UBXN7: variants seen among roughly 807,000 people sequenced by gnomAD.
UBXN7 encodes UBX domain protein 7.
A neutral mutation model predicts 58.0 loss-of-function variants in UBXN7; 9 were observed. The ratio of observed to expected loss-of-function variants is 0.16; its 90% CI spans 0.09 to 0.27. UBXN7 has a LOEUF of 0.27. Ranked by LOEUF, UBXN7 falls within the 10% of genes least tolerant of loss-of-function variation. UBXN7 has a pLI of 1.00. For synonymous variants in UBXN7, 208 were observed against 205.0 expected, an observed-to-expected ratio of 1.01 and a Z score of -0.12; for missense variants, 328 against 599.6, an observed-to-expected ratio of 0.55 and a Z score of 4.73.
At chr3:196,428,287 A>C (rs1419617840) in intron 1 of UBXN7, among the ~76,000 whole-genome samples, 1 of 151,760 alleles carries the variant, frequency 6.6e-6, no homozygotes, top group African/African-American at 2.4e-5. Context: ...TTAAGTGAAA[A>C]TTTCAGAACC....
intron 3 of UBXN7, among the ~76,000 whole-genome samples, chr3:196,399,311 T>C (rs1194666441): frequency 6.6e-6 from 1 of 151,960 alleles, no homozygotes; most frequent in African/African-American, 2.4e-5. Flanking sequence ...ATTAATTTAT[T>C]ATTTTTTTTT....
chr3:196,429,680 A>C (rs116166754), intron 1 of UBXN7, among the ~76,000 whole-genome samples: 1,693 of 152,322 alleles, frequency 0.011, 24 homozygotes, highest in African/African-American at 0.035. Flanking sequence ...AGAGAACCCC[A>C]AAAAAATTTT....
Position 196,348,556 on chromosome 3 carries a change from CA to C in UBXN7, c.*8128del, listed in dbSNP as rs896210620. On this transcript the variant is annotated 3_prime_UTR_variant, in exon 11 of 11. Transcript: ENST00000296328. Reference sequence around the variant, plus strand: ...ACTTTGTCCAGAATAAGTTGAGCCACAAACATCCCAGGGAATCTCTAAATAC... The same window carrying C: ...ACTTTGTCCAGAATAAGTTGAGCCACAACATCCCAGGGAATCTCTAAATAC... 6.6e-6 allele frequency: 1 copy of C among 152,176 alleles called. No homozygotes were observed. 9.4% of individuals were successfully genotyped at this position (152,176 alleles called of 1,614,324 possible). A position where few individuals can be genotyped will look rare whatever the true frequency, so the allele number is the denominator to read the frequency against.
intron 1 of UBXN7, among the ~76,000 whole-genome samples, chr3:196,417,277 A>C (rs912336863): frequency 6.6e-6 from 1 of 152,182 alleles, no homozygotes; most frequent in Non-Finnish European, 1.5e-5. Context: ...GCGCGACTGC[A>C]CTCCAGCCTG....
chr3:196,388,783 A>T (rs1371283317), intron 5 of UBXN7, among the ~76,000 whole-genome samples: 1 of 152,188 alleles, frequency 6.6e-6, no homozygotes, highest in African/African-American at 2.4e-5. Flanking sequence ...TCTAAACTTC[A>T]ATGACTTAAT....
At chr3:196,415,053 T>C (rs961361523) in intron 1 of UBXN7, among the ~76,000 whole-genome samples, 2 of 152,168 alleles carry the variant, frequency 1.3e-5, no homozygotes, top group Non-Finnish European at 2.9e-5. Context: ...AAGACACATA[T>C]GCTACCATAT....
chr3:196,429,233 A>T (rs971191013), intron 1 of UBXN7, among the ~76,000 whole-genome samples: 2 of 151,962 alleles, frequency 1.3e-5, no homozygotes, highest in African/African-American at 4.8e-5. Context: ...AGGCTGAGGC[A>T]CGAGAATGGT....
At chr3:196,392,055 G>A (rs1729600206) in intron 4 of UBXN7, 130 bp from the exon 5 acceptor site, 7 of 540,792 alleles carry the variant, frequency 1.3e-5, no homozygotes, top group South Asian at 5.3e-5. Flanking sequence ...CAAATACAAA[G>A]ATCTAATGTT....
chr3:196,381,292 A>C (rs938054130), intron 5 of UBXN7, among the ~76,000 whole-genome samples: 2 of 152,272 alleles, frequency 1.3e-5, no homozygotes, highest in Admixed American at 1.3e-4. Flanking sequence ...AGGAAGGCTC[A>C]GGCAGCAATA....
chr3:196,362,599 G>T lies in UBXN7; in HGVS notation c.923C>A (p.Thr308Lys). The change falls in exon 9 of 11, where the codon ACA (threonine) becomes AAA (lysine). Residue 308 changes from threonine (T) to lysine (K), a missense_variant. Coordinates refer to ENST00000296328, the MANE Select transcript of UBXN7 (RefSeq NM_015562.2). ...LQETHFDSTQ[T>K]KQDSRSDEES... ...TTCATCTGAGCGGCTATCCTGTTTT[G>T]TCTGTGTTGAATCAAAATGTGTTTC... The T allele has an allele frequency of 1.9e-6, 3 of 1,614,156 alleles. No individual in the cohort carries two copies. Among genetic ancestry groups the T allele is most frequent in the Non-Finnish European group, 1.7e-6 (2 of 1,180,032 alleles).
chr3:196,388,563 A>G (rs1729485521), intron 5 of UBXN7, among the ~76,000 whole-genome samples: 1 of 152,108 alleles, frequency 6.6e-6, no homozygotes, highest in South Asian at 2.1e-4. Flanking sequence ...GCCTCAATAA[A>G]TATGTATTGA....
At chr3:196,423,438 C>A in intron 1 of UBXN7, 1 of 276,744 alleles carries the variant, frequency 3.6e-6, no homozygotes, top group Non-Finnish European at 7.5e-6. Flanking sequence ...CAGATTGTGG[C>A]CTGGCCACTG....
chr3:196,407,084 A>T (rs1385862798), intron 2 of UBXN7, among the ~76,000 whole-genome samples, 162 bp downstream of exon 2: 4 of 152,250 alleles, frequency 2.6e-5, no homozygotes. Flanking sequence ...TACTCTAAAG[A>T]ATTTAAAGTA....
At chr3:196,367,704 C>CT (rs1465482128) in intron 8 of UBXN7, among the ~76,000 whole-genome samples, 4 of 152,176 alleles carry the variant, frequency 2.6e-5, no homozygotes, top group Non-Finnish European at 4.4e-5. Context: ...AAGTAGACAC[C>CT]TTTACCACTA....
intron 8 of UBXN7, among the ~76,000 whole-genome samples, chr3:196,363,384 G>A (rs1304832400): frequency 6.6e-6 from 1 of 151,586 alleles, no homozygotes; most frequent in Non-Finnish European, 1.5e-5. Flanking sequence ...AGGCCAGGCC[G>A]GGTGGCTCAT....
rs1728126662 is a variant in UBXN7, at chr3:196,348,030, A to G, written c.*8655T>C. The G allele has an allele frequency of 6.6e-6, 1 of 152,134 alleles. No individual in the cohort carries two copies. The highest frequency in any genetic ancestry group is 2.1e-4 in the South Asian group (1 of 4,824). 9.4% of individuals were successfully genotyped at this position (152,134 alleles called of 1,614,324 possible). A position where few individuals can be genotyped will look rare whatever the true frequency, so the allele number is the denominator to read the frequency against. On this transcript the variant is annotated 3_prime_UTR_variant, in exon 11 of 11. Transcript: ENST00000296328. ...GTAGATCTATAGGTAGATCACACCC[A>G]GTTATCTAAGATTTCCCTGGTTTTA...
At position 196,353,406 on chromosome 3, in the gene UBXN7, T is replaced by A. The variant is rs1284031143; in HGVS notation, c.*3279A>T. On this transcript the variant is annotated 3_prime_UTR_variant, in exon 11 of 11. Coordinates refer to ENST00000296328, the MANE Select transcript of UBXN7 (RefSeq NM_015562.2). Reference sequence around the variant, plus strand: ...CTTTTCTCATTTGGCACTGTTGTTTTCTCTTCTCCAGTTCCTTCCGATACC... The same window carrying A: ...CTTTTCTCATTTGGCACTGTTGTTTACTCTTCTCCAGTTCCTTCCGATACC... The A allele has an allele frequency of 6.6e-6, 1 of 152,194 alleles. No homozygotes were observed. The highest frequency in any genetic ancestry group is 1.5e-5 in the Non-Finnish European group (1 of 68,032). The allele number at this position is 152,194 out of a possible 1,614,324, so 9.4% of individuals were successfully genotyped here.
intron 1 of UBXN7, among the ~76,000 whole-genome samples, chr3:196,415,544 A>AC (rs1235946406): frequency 1.4e-5 from 2 of 147,690 alleles, no homozygotes; most frequent in Non-Finnish European, 3.0e-5. Flanking sequence ...TCGGAGGCCG[A>AC]GACAGGTGGT....
intron 5 of UBXN7, among the ~76,000 whole-genome samples, chr3:196,376,933 C>CGTGTTCAAG (rs1204959888): frequency 6.6e-6 from 1 of 151,522 alleles, no homozygotes; most frequent in Non-Finnish European, 1.5e-5. Flanking sequence ...ATAATCCAGG[C>CGTGTTCAAG]TACCTGGGGG....
Sources: allele counts gnomAD v4.1 joint callset (sites outside exome capture counted in the v4.1 genomes callset), GRCh38; gene constraint gnomAD v4.1.1; transcripts MANE v1.5; gene names NCBI Gene and HGNC (gene_info 2026-07-23, HGNC 2026-07-21).